ATXN7L1: variants seen among roughly 807,000 people sequenced by gnomAD.
The protein encoded by ATXN7L1 is ataxin 7 like 1.
ATXN7L1 carries 15 observed loss-of-function variants against 70.8 expected under a neutral mutation model. The observed-to-expected ratio is 0.21, with a 90% CI of 0.14 to 0.33. The LOEUF is 0.33. ATXN7L1 is among the 10% of genes least tolerant of loss of function. The pLI, the probability that ATXN7L1 is intolerant of heterozygous loss-of-function variation, is 1.00. For synonymous variants in ATXN7L1, 440 were observed against 445.1 expected (o/e 0.99, Z 0.14); for missense variants, 975 against 1,097.1 (o/e 0.89, Z 1.57).
Position 105,614,016 on chromosome 7 carries a change from T to C in ATXN7L1, c.2318A>G (p.Asp773Gly). 6.4e-7 allele frequency: 1 copy of C among 1,551,968 alleles called. No homozygotes were observed. Among genetic ancestry groups the C allele is most frequent in the Non-Finnish European group, 8.7e-7 (1 of 1,147,050 alleles). The change falls in exon 10 of 12, where the codon GAC becomes GGC. Residue 773 changes from aspartate to glycine, a missense_variant. Transcript: ENST00000419735. This position sits in a 1 kb window ranked among gnomAD's most constrained non-coding sequence, Gnocchi z 4.3. ...NAVSSLPLSF[D>G]KSEGKKRKNS... ...CTTACGCTTTTTTCCTTCTGATTTG[T>C]CAAAAGAGAGGGGCAGAGAAGACAC... is the stretch of plus-strand genomic sequence containing the variant.
intron 3 of ATXN7L1, among the ~76,000 whole-genome samples, chr7:105,670,259 G>A (rs1387014822): frequency 1.3e-5 from 2 of 152,158 alleles, no homozygotes; most frequent in African/African-American, 2.4e-5. Flanking sequence ...CAATCATTCA[G>A]ATACAAGCCT....
chr7:105,780,956 C>T (rs1803435302), intron 3 of ATXN7L1, among the ~76,000 whole-genome samples: 1 of 152,084 alleles, frequency 6.6e-6, no homozygotes, highest in Non-Finnish European at 1.5e-5. Context: ...GTATAATAAA[C>T]AGGGGCATGT....
intron 8 of ATXN7L1, among the ~76,000 whole-genome samples, chr7:105,623,304 A>G (rs548217025): frequency 1.3e-5 from 2 of 152,326 alleles, no homozygotes; most frequent in Admixed American, 6.5e-5. Context: ...GTAAACCACC[A>G]TGGGGTCCCA....
chr7:105,769,152 G>C (rs1563077877), intron 3 of ATXN7L1, among the ~76,000 whole-genome samples: 1 of 152,210 alleles, frequency 6.6e-6, no homozygotes, highest in Non-Finnish European at 1.5e-5. Context: ...GAAAATGAGT[G>C]AGCTACAAGA....
rs533544795 is a variant in ATXN7L1, at chr7:105,854,402, C to T, written c.250+21410G>A. 1.6e-4 allele frequency among the ~76,000 whole-genome samples: 24 copies of T among 146,434 alleles called. 1 individual carries two copies. Among genetic ancestry groups the T allele is most frequent in the Admixed American group, 1.5e-3 (22 of 14,340 alleles). ...TGCTGAGCGTCTGTCAGGGGCTGAA[C>T]GGCTCGAGACAGATGCTCACAAAAT... On this transcript the variant is annotated intron_variant, in intron 2 of 11. Transcript: ENST00000419735.
chr7:105,737,528 C>CATGT (rs1168833373), intron 3 of ATXN7L1, among the ~76,000 whole-genome samples: 1 of 148,616 alleles, frequency 6.7e-6, no homozygotes, highest in Non-Finnish European at 1.5e-5. Context: ...CTAACGTCCC[C>CATGT]GTGTGTGTGT....
intron 4 of ATXN7L1, among the ~76,000 whole-genome samples, chr7:105,658,069 G>A (rs1052087942): frequency 5.3e-5 from 8 of 152,088 alleles, no homozygotes; most frequent in Non-Finnish European, 1.0e-4. Context: ...GAATATATTA[G>A]GTTAAAGAAA....
At chr7:105,690,073 C>T (rs1210676043) in intron 3 of ATXN7L1, among the ~76,000 whole-genome samples, 8 of 152,216 alleles carry the variant, frequency 5.3e-5, no homozygotes, top group Non-Finnish European at 8.8e-5. Context: ...GGCGCGCTCT[C>T]GGCTCACAGC....
chr7:105,681,888 T>C (rs1445679279), intron 3 of ATXN7L1, among the ~76,000 whole-genome samples: 2 of 151,624 alleles, frequency 1.3e-5, no homozygotes, highest in African/African-American at 4.9e-5. Context: ...GAATGGGGAG[T>C]TATTGTTCAA....
chr7:105,740,426 A>G (rs1283236861), intron 3 of ATXN7L1, among the ~76,000 whole-genome samples: 1 of 152,194 alleles, frequency 6.6e-6, no homozygotes, highest in Non-Finnish European at 1.5e-5. Context: ...AAGATCCACA[A>G]AGCATTTACA....
intron 3 of ATXN7L1, among the ~76,000 whole-genome samples, chr7:105,679,862 C>T (rs774075277): frequency 2.4e-4 from 36 of 151,830 alleles, no homozygotes; most frequent in Non-Finnish European, 3.8e-4. Context: ...TGAAGGTACT[C>T]AATACCACTG....
At chr7:105,657,702 C>CAAAAAAAAAAAAAAAAAA (rs71155465) in intron 4 of ATXN7L1, among the ~76,000 whole-genome samples, 17 of 26,114 alleles carry the variant, frequency 6.5e-4, no homozygotes, top group African/African-American at 1.0e-3. Flanking sequence ...GACCCTGTCT[C>CAAAAAAAAAAAAAAAAAA]AAAAAAAAAA....
intron 2 of ATXN7L1, among the ~76,000 whole-genome samples, chr7:105,827,658 A>G (rs902231251): frequency 4.6e-5 from 7 of 152,196 alleles, no homozygotes; most frequent in Non-Finnish European, 7.3e-5. Context: ...TGGTATACCC[A>G]GGGGTCCTGG....
At chr7:105,861,650 T>A (rs1420563402) in intron 2 of ATXN7L1, among the ~76,000 whole-genome samples, 1 of 151,938 alleles carries the variant, frequency 6.6e-6, no homozygotes, top group Non-Finnish European at 1.5e-5. Context: ...GCTGCAGGCA[T>A]GTCAGAATCG....
chr7:105,835,466 TAAA>T (rs776975613), intron 2 of ATXN7L1, among the ~76,000 whole-genome samples: 1 of 144,052 alleles, frequency 6.9e-6, no homozygotes, highest in African/African-American at 2.5e-5. Flanking sequence ...ATTGTATAAT[TAAA>T]AAAAAAAAAA....
intron 3 of ATXN7L1, among the ~76,000 whole-genome samples, chr7:105,787,250 A>G (rs1804440678): frequency 6.6e-6 from 1 of 152,188 alleles, no homozygotes; most frequent in Non-Finnish European, 1.5e-5. Context: ...TCATCTTCCC[A>G]TGGTAGGGAC....
rs114835298 is a variant in ATXN7L1 at position 105,641,722 on chromosome 7, C to T, written c.862+1116G>A. ...GGGGCTCCCGCCCGAACTGTGAGGCCCACAGTGCTTAGGGAGAGCACCAGG... is the reference window on the plus strand; with the variant it reads ...GGGGCTCCCGCCCGAACTGTGAGGCTCACAGTGCTTAGGGAGAGCACCAGG... On this transcript the variant is annotated intron_variant, in intron 5 of 11. Coordinates refer to ENST00000419735, the MANE Select transcript of ATXN7L1 (RefSeq NM_020725.2). Among the ~76,000 whole-genome samples, 500 of 152,340 alleles carry T rather than the reference C, an allele frequency of 3.3e-3. 2 individuals are homozygous for T. The highest frequency in any genetic ancestry group is 0.012 in the African/African-American group (481 of 41,582).
chr7:105,759,015 T>C (rs2116406492), intron 3 of ATXN7L1, among the ~76,000 whole-genome samples: 1 of 152,240 alleles, frequency 6.6e-6, no homozygotes, highest in East Asian at 1.9e-4. Flanking sequence ...TTGAACCATT[T>C]TAAAGTTTTC....
chr7:105,874,083 C>A (rs1818669954), intron 2 of ATXN7L1, among the ~76,000 whole-genome samples: 1 of 149,434 alleles, frequency 6.7e-6, no homozygotes, highest in Non-Finnish European at 1.5e-5. Context: ...CAAGATCGTA[C>A]CACTGTACTC....
Sources: gnomAD v4.1 joint callset for allele counts (sites outside exome capture counted in the v4.1 genomes callset) on GRCh38, gnomAD v4.1.1 for gene constraint, Gnocchi (gnomAD v3.1) non-coding constraint, MANE v1.5 for transcripts, NCBI Gene and HGNC (gene_info 2026-07-23, HGNC 2026-07-21) for gene names.